Variants in TAB2 observed in about 807,000 individuals in gnomAD.
TAB2 encodes TGF-beta-activated kinase 1 and MAP3K7-binding protein 2.
A neutral mutation model predicts 65.0 loss-of-function variants in TAB2; 3 were observed. The observed-to-expected ratio is 0.05, with a 90% CI of 0.02 to 0.12. The LOEUF (loss-of-function observed/expected upper bound fraction) is 0.12. Ranked by LOEUF, TAB2 falls within the 10% of genes least tolerant of loss-of-function variation. TAB2 has a pLI of 1.00. For missense variants in TAB2, 623 were observed against 840.3 expected (o/e 0.74, Z 3.20); for synonymous variants, 298 against 285.1 (o/e 1.05, Z -0.46).
intron 1 of TAB2, among the ~76,000 whole-genome samples, chr6:149,335,347 A>T (rs991577919): frequency 1.3e-5 from 2 of 150,824 alleles, no homozygotes; most frequent in African/African-American, 4.9e-5. Flanking sequence ...ATATGTGTGT[A>T]TATATAACAT....
Position 149,409,818 on chromosome 6 carries a change from ATTGAAGGTGTGACAAGATGGTG to A in TAB2, c.*102_*123del. ...TCACTGCTACATAGGATTTTGTCAA[ATTGAAGGTGTGACAAGATGGTG>A]TTCTGCTAATGTTAAATGTCAGCCC... On this transcript the variant is annotated 3_prime_UTR_variant, in exon 7 of 7. Coordinates refer to ENST00000637181, the MANE Select transcript of TAB2 (RefSeq NM_001292034.3). 3 of 1,407,940 alleles carry A rather than the reference ATTGAAGGTGTGACAAGATGGTG, an allele frequency of 2.1e-6. No homozygotes were observed. Among genetic ancestry groups the A allele is most frequent in the Non-Finnish European group, 3.0e-6 (3 of 998,946 alleles). The allele number at this position is 1,407,940 out of a possible 1,614,324, so 87.2% of individuals were successfully genotyped here.
chr6:149,323,419 A>G (rs1432943842), intron 1 of TAB2, among the ~76,000 whole-genome samples: 1 of 152,178 alleles, frequency 6.6e-6, no homozygotes, highest in African/African-American at 2.4e-5. Context: ...CTTAACTGTT[A>G]AAGAACAAGT....
At chr6:149,304,559 T>C (rs965876618) in intron 1 of TAB2, 1 of 152,368 alleles carries the variant, frequency 6.6e-6, no homozygotes, top group East Asian at 1.9e-4. Context: ...GCAGGTCCTA[T>C]ACTGATGGGT....
chr6:149,284,147 AG>A lies in TAB2; in HGVS notation c.-121+65372del, dbSNP rs145447044. 5.2e-3 allele frequency among the ~76,000 whole-genome samples: 787 copies of A among 152,306 alleles called. 6 individuals are homozygous for A. The highest frequency in any genetic ancestry group is 0.018 in the African/African-American group (760 of 41,574). ...AAAGCTCTTAGACACAGGGTTTAAA[AG>A]TATCATACCTCTCCAGTGAAGTTTC... On this transcript the variant is annotated intron_variant, in intron 1 of 1. Coordinates refer to the TAB2 transcript ENST00000606202.
At chr6:149,251,675 T>C (rs1342866600) in intron 1 of TAB2, among the ~76,000 whole-genome samples, 1 of 152,162 alleles carries the variant, frequency 6.6e-6, no homozygotes, top group African/African-American at 2.4e-5. Context: ...GAGAATGGTC[T>C]CCCCACAGGA....
chr6:149,364,924 A>T (rs1380644154), intron 1 of TAB2, among the ~76,000 whole-genome samples: 1 of 151,872 alleles, frequency 6.6e-6, no homozygotes, highest in Non-Finnish European at 1.5e-5. Context: ...AGTACTCTTC[A>T]CTGTAATAGT....
At chr6:149,383,767 G>C (rs918642968) in intron 3 of TAB2, among the ~76,000 whole-genome samples, 3 of 152,168 alleles carry the variant, frequency 2.0e-5, no homozygotes, top group Non-Finnish European at 4.4e-5. Flanking sequence ...ATTTTTAAGA[G>C]AGATGTGGTT....
intron 1 of TAB2, among the ~76,000 whole-genome samples, chr6:149,300,435 T>C (rs1199783681): frequency 6.6e-6 from 1 of 152,126 alleles, no homozygotes; most frequent in African/African-American, 2.4e-5. Flanking sequence ...TCTGCACAGA[T>C]AAAATAAGGG....
chr6:149,235,704 A>G (rs1777482839), intron 1 of TAB2, among the ~76,000 whole-genome samples: 1 of 152,234 alleles, frequency 6.6e-6, no homozygotes, highest in South Asian at 2.1e-4. Context: ...CTACAATTAA[A>G]AGAATTCCAG....
chr6:149,257,329 T>TG (rs1778058205), intron 1 of TAB2: 1 of 152,216 alleles, frequency 6.6e-6, no homozygotes, highest in East Asian at 1.9e-4. Context: ...ATAAAGTTCT[T>TG]GGGGAAAAGT....
chr6:149,380,021 T>G, intron 3 of TAB2: 2 of 444,636 alleles, frequency 4.5e-6, no homozygotes, highest in Non-Finnish European at 9.0e-6. Context: ...GGGAGGATCA[T>G]TTGAGCCCAG....
At chr6:149,295,465 C>G (rs1186406718) in intron 1 of TAB2, among the ~76,000 whole-genome samples, 1 of 152,076 alleles carries the variant, frequency 6.6e-6, no homozygotes, top group African/African-American at 2.4e-5. Flanking sequence ...CAAATACTAC[C>G]TTTTCCCATG....
At chr6:149,350,350 A>AT (rs1780449966) in intron 1 of TAB2, among the ~76,000 whole-genome samples, 2 of 152,158 alleles carry the variant, frequency 1.3e-5, no homozygotes, top group South Asian at 4.1e-4. Flanking sequence ...GCAACAAGGC[A>AT]TTTTTCAGAT....
At chr6:149,312,190 C>T (rs1006410937) in intron 1 of TAB2, among the ~76,000 whole-genome samples, 1 of 152,170 alleles carries the variant, frequency 6.6e-6, no homozygotes, top group East Asian at 1.9e-4. Flanking sequence ...GGGTGCTTCT[C>T]CCCACAGTGG....
intron 1 of TAB2, among the ~76,000 whole-genome samples, chr6:149,291,031 T>A (rs538279661): frequency 6.6e-6 from 1 of 152,362 alleles, no homozygotes; most frequent in Non-Finnish European, 1.5e-5. Context: ...TGACAGTTTA[T>A]CACAAACTAC....
At chr6:149,403,696 A>G (rs565930730) in intron 6 of TAB2, among the ~76,000 whole-genome samples, 1 of 152,116 alleles carries the variant, frequency 6.6e-6, no homozygotes, top group Non-Finnish European at 1.5e-5. Flanking sequence ...TAGTTTCTGG[A>G]GAGGCTTCAG....
rs61261942 is a variant in TAB2, at chr6:149,259,334, T to TACACACACACACAC, written c.-121+40584_-121+40597dup. On this transcript the variant is annotated intron_variant, in intron 1 of 1. Coordinates refer to the TAB2 transcript ENST00000606202. ...AAGGCTGCCTATAGCACGCTCCCTC[T>TACACACACACACAC]ACACACACACACACACACACACACA... Among the ~76,000 whole-genome samples, 63 of 146,034 alleles carry TACACACACACACAC rather than the reference T, an allele frequency of 4.3e-4. 1 individual carries two copies. Among genetic ancestry groups the TACACACACACACAC allele is most frequent in the African/African-American group, 1.4e-3 (54 of 39,538 alleles).
At chr6:149,319,005 AT>A (rs1158938327) in intron 1 of TAB2, among the ~76,000 whole-genome samples, 3 of 152,214 alleles carry the variant, frequency 2.0e-5, no homozygotes, top group Non-Finnish European at 4.4e-5. Context: ...GAGTACCCTT[AT>A]TCATTGGAAA....
At chr6:149,357,411 G>A (rs77891739) in intron 1 of TAB2, among the ~76,000 whole-genome samples, 4,758 of 69,882 alleles carry the variant, frequency 0.068, 311 homozygotes, top group African/African-American at 0.21. Context: ...GGGAGACTCC[G>A]TCTCAAGGAG....
Sources: gnomAD v4.1 joint callset for allele counts (sites outside exome capture counted in the v4.1 genomes callset) on GRCh38, gnomAD v4.1.1 for gene constraint, MANE v1.5 for transcripts, NCBI Gene and HGNC (gene_info 2026-07-23, HGNC 2026-07-21) for gene names.